The following ADCY8 variants were observed in gnomAD, a reference collection of about 807,000 sequenced individuals.
ADCY8 encodes adenylate cyclase type 8.
ADCY8 carries 51 observed loss-of-function variants against 119.7 expected under a neutral mutation model. That is an observed-to-expected ratio of 0.43 (90% confidence interval 0.34 to 0.54). The LOEUF is 0.54. Ranked by LOEUF, ADCY8 falls within the 20% of genes least tolerant of loss-of-function variation. The pLI, the probability that ADCY8 is intolerant of heterozygous loss-of-function variation, is 0.03. For missense variants in ADCY8, 1,383 were observed against 1,598.8 expected, an observed-to-expected ratio of 0.87 and a Z score of 2.30; for synonymous variants, 665 against 651.0, an observed-to-expected ratio of 1.02 and a Z score of -0.33.
chr8:130,885,171 G>A (rs748759638), intron 7 of ADCY8, among the ~76,000 whole-genome samples: 32 of 151,448 alleles, frequency 2.1e-4, no homozygotes, highest in Admixed American at 1.4e-3. Flanking sequence ...CCACATTTTC[G>A]TGTGACCTTT....
At chr8:130,983,739 A>T (rs962908769) in intron 2 of ADCY8, among the ~76,000 whole-genome samples, 5 of 152,212 alleles carry the variant, frequency 3.3e-5, no homozygotes, top group Non-Finnish European at 5.9e-5. Context: ...GGCACTAAGA[A>T]GATGATCCTG....
chr8:130,992,960 A>G (rs1040943238), intron 1 of ADCY8, among the ~76,000 whole-genome samples: 1 of 152,194 alleles, frequency 6.6e-6, no homozygotes, highest in Admixed American at 6.5e-5. Flanking sequence ...GGCACATCAT[A>G]ATCCAAATGC....
intron 9 of ADCY8, among the ~76,000 whole-genome samples, chr8:130,861,657 T>A (rs955200481): frequency 2.0e-5 from 3 of 152,202 alleles, no homozygotes; most frequent in Admixed American, 1.3e-4. Flanking sequence ...CTGATATGTA[T>A]GCCTTTTATT....
chr8:130,868,845 T>C (rs891268743), intron 8 of ADCY8, among the ~76,000 whole-genome samples: 8 of 152,302 alleles, frequency 5.3e-5, no homozygotes, highest in Non-Finnish European at 7.4e-5. Flanking sequence ...CTGATTTGCA[T>C]TTCATGGTTA....
chr8:130,950,510 G>A (rs920526543), intron 3 of ADCY8, among the ~76,000 whole-genome samples: 1 of 152,156 alleles, frequency 6.6e-6, no homozygotes, highest in Non-Finnish European at 1.5e-5. Flanking sequence ...TTTGGGGACA[G>A]GGTTGATTGC....
intron 5 of ADCY8, among the ~76,000 whole-genome samples, chr8:130,927,017 T>G (rs1820492123): frequency 6.6e-6 from 1 of 151,906 alleles, no homozygotes; most frequent in Non-Finnish European, 1.5e-5. Context: ...TCAGGTTGAT[T>G]GCATATCTTG....
At chr8:130,897,068 C>T (rs763572000) in intron 7 of ADCY8, among the ~76,000 whole-genome samples, 1 of 152,106 alleles carries the variant, frequency 6.6e-6, no homozygotes, top group Non-Finnish European at 1.5e-5. Context: ...AATCTGACTC[C>T]AACTCAGTTC....
chr8:130,874,775 A>T (rs1818498284), intron 8 of ADCY8, among the ~76,000 whole-genome samples: 1 of 152,030 alleles, frequency 6.6e-6, no homozygotes, highest in Non-Finnish European at 1.5e-5. Flanking sequence ...AAAACCTTCC[A>T]TACCACCATT....
intron 11 of ADCY8, among the ~76,000 whole-genome samples, chr8:130,839,950 T>G (rs550462262): frequency 7.1e-6 from 1 of 140,068 alleles, no homozygotes; most frequent in African/African-American, 2.4e-5. Flanking sequence ...TCAGGATTAA[T>G]TGAGAAAAGC....
chr8:130,783,542 T>C (rs755144450), intron 17 of ADCY8, 149 bp downstream of exon 17: 12 of 569,542 alleles, frequency 2.1e-5, no homozygotes, highest in Non-Finnish European at 2.8e-5. Flanking sequence ...AGGCCTGAGC[T>C]GACCTTGTCC....
At chr8:130,808,972 C>A (rs1816074479) in intron 14 of ADCY8, among the ~76,000 whole-genome samples, 1 of 11,076 alleles carries the variant, frequency 9.0e-5, no homozygotes, top group Non-Finnish European at 1.5e-4. Flanking sequence ...ATGAGATACT[C>A]AGGCCGGACC....
chr8:130,835,382 G>T (rs991911779), intron 12 of ADCY8, among the ~76,000 whole-genome samples: 1 of 152,180 alleles, frequency 6.6e-6, no homozygotes, highest in Non-Finnish European at 1.5e-5. Context: ...CTGCCCAGAG[G>T]CATTTCAAAT....
intron 1 of ADCY8, among the ~76,000 whole-genome samples, chr8:131,006,076 C>T (rs556411438): frequency 3.3e-5 from 5 of 151,982 alleles, no homozygotes; most frequent in African/African-American, 7.2e-5. Context: ...ACACACACAA[C>T]TACTTCCTCA....
At chr8:130,925,491 C>G (rs1331225073) in intron 5 of ADCY8, among the ~76,000 whole-genome samples, 1 of 152,134 alleles carries the variant, frequency 6.6e-6, no homozygotes, top group African/African-American at 2.4e-5. Flanking sequence ...AAGTCACCCA[C>G]CCATCATTAC....
At chr8:130,896,877 G>C (rs1436961038) in intron 7 of ADCY8, among the ~76,000 whole-genome samples, 1 of 152,044 alleles carries the variant, frequency 6.6e-6, no homozygotes, top group African/African-American at 2.4e-5. Context: ...AGTGTATGTG[G>C]CTCACCAGTA....
chr8:130,978,266 G>T (rs571211863), intron 2 of ADCY8, among the ~76,000 whole-genome samples: 1 of 152,266 alleles, frequency 6.6e-6, no homozygotes, highest in South Asian at 2.1e-4. Context: ...TTACATCCCT[G>T]TAATTAATAT....
intron 8 of ADCY8, among the ~76,000 whole-genome samples, chr8:130,882,408 G>A (rs188046762): frequency 1.6e-4 from 24 of 152,148 alleles, no homozygotes; most frequent in African/African-American, 5.5e-4. Context: ...TTCCTACTTA[G>A]CCTCTCCTGT....
At chr8:130,907,890 C>T (rs1042432485) in intron 6 of ADCY8, among the ~76,000 whole-genome samples, 3 of 152,124 alleles carry the variant, frequency 2.0e-5, no homozygotes, top group Non-Finnish European at 4.4e-5. Context: ...TCCCTTGTCC[C>T]ACTCTCTCCC....
chr8:130,798,465 T>G (rs944457617), intron 15 of ADCY8, among the ~76,000 whole-genome samples: 3 of 152,016 alleles, frequency 2.0e-5, no homozygotes, highest in African/African-American at 7.3e-5. Context: ...GAGAGCCAGG[T>G]GGGCTTGTTG....
Sources: gnomAD v4.1 joint callset for allele counts (sites outside exome capture counted in the v4.1 genomes callset) on GRCh38, gnomAD v4.1.1 for gene constraint, MANE v1.5 for transcripts, NCBI Gene and HGNC (gene_info 2026-07-23, HGNC 2026-07-21) for gene names.